Variants in DDX4 observed in about 807,000 individuals in gnomAD.
The protein encoded by DDX4 is DEAD-box helicase 4, also known as probable ATP-dependent RNA helicase DDX4.
A neutral mutation model predicts 100.0 loss-of-function variants in DDX4; 25 were observed. That is an observed-to-expected ratio of 0.25 (90% CI 0.18 to 0.35). The LOEUF (loss-of-function observed/expected upper bound fraction) is 0.35. DDX4 is among the 10% of genes least tolerant of loss of function. DDX4 has a pLI of 1.00. For missense variants in DDX4, 635 were observed against 882.4 expected, an observed-to-expected ratio of 0.72 and a Z score of 3.55; for synonymous variants, 259 against 275.7, an observed-to-expected ratio of 0.94 and a Z score of 0.60.
intron 17 of DDX4, among the ~76,000 whole-genome samples, chr5:55,794,043 C>G (rs925725309): frequency 2.0e-5 from 3 of 152,046 alleles, no homozygotes; most frequent in Non-Finnish European, 4.4e-5. Flanking sequence ...TATGGTAAAT[C>G]TTTGTGTAAA....
In DDX4 at chr5:55,746,153, CT is replaced by C; in HGVS notation, c.70-8del. The C allele has an allele frequency of 6.3e-7, 1 of 1,590,746 alleles. No homozygotes were observed. Among genetic ancestry groups the C allele is most frequent in the Non-Finnish European group, 8.5e-7 (1 of 1,172,888 alleles). ...GTAGGAAACTAGTTTTTTCTTTCTT[CT>C]TTCTCACAGGATAGGTATTCTGGAG... On this transcript the variant is annotated splice_polypyrimidine_tract_variant and intron_variant, in intron 2 of 21. Transcript: ENST00000505374.
In DDX4 at chr5:55,787,928, A is replaced by C. The variant is rs1364203442; in HGVS notation, c.1100A>C (p.Glu367Ala). The change falls in exon 15 of 22, where the codon GAG (glutamate) becomes GCG (alanine). Residue 367 changes from glutamate to alanine, a missense_variant. By Grantham distance (107) the Glu-to-Ala change is moderately radical (BLOSUM62 -1). Transcript: ENST00000505374. ...CGTTTTAAAGAGTTGCAGGAACCAG[A>C]GTGTATTATTGTAGCACCAACTCGA... ...ASRFKELQEP[E>A]CIIVAPTREL... is the part of the protein sequence containing the mutation. 9 of 1,613,826 alleles carry C rather than the reference A, an allele frequency of 5.6e-6. No homozygotes were observed. Among genetic ancestry groups the C allele is most frequent in the Non-Finnish European group, 7.6e-6 (9 of 1,179,960 alleles).
chr5:55,813,301 G>A (rs568133746), intron 18 of DDX4, among the ~76,000 whole-genome samples: 4 of 152,166 alleles, frequency 2.6e-5, no homozygotes, highest in Non-Finnish European at 4.4e-5. Flanking sequence ...GGATTATCTT[G>A]AGAGGTAGAC....
At chr5:55,770,652 G>A (rs1741199365) in intron 7 of DDX4, among the ~76,000 whole-genome samples, 1 of 152,114 alleles carries the variant, frequency 6.6e-6, no homozygotes, top group African/African-American at 2.4e-5. Flanking sequence ...TGCCCATTAG[G>A]TAGGTAGCTG....
At position 55,781,050 on chromosome 5, in the gene DDX4, C is replaced by T. The variant is rs1407200497; in HGVS notation, c.497-16C>T. On this transcript the variant is annotated splice_polypyrimidine_tract_variant and intron_variant, in intron 8 of 21. Coordinates refer to ENST00000505374, the MANE Select transcript of DDX4 (RefSeq NM_024415.3). ...TTCAAAGTAATGTAATCTAATTTTA[C>T]TTTCTGCAAATCAAGATAATGACTT... is the stretch of plus-strand genomic sequence containing the variant. The T allele has an allele frequency of 5.0e-6, 8 of 1,588,544 alleles. No individual in the cohort carries two copies. In the Admixed American group the frequency reaches 5.8e-5, roughly 11 times the overall value.
At chr5:55,764,585 C>T (rs13184180) in intron 6 of DDX4, among the ~76,000 whole-genome samples, 16,640 of 152,044 alleles carry the variant, frequency 0.11, 1,370 homozygotes, top group East Asian at 0.29. Flanking sequence ...CTGATTGAGT[C>T]GATTTGGGTG....
intron 3 of DDX4, among the ~76,000 whole-genome samples, chr5:55,749,236 C>CA (rs1209967054): frequency 6.6e-6 from 1 of 151,990 alleles, no homozygotes; most frequent in Non-Finnish European, 1.5e-5. Context: ...GCATGGGAAA[C>CA]AAAGTAAACA....
At chr5:55,750,619 A>G (rs546918215) in intron 3 of DDX4, among the ~76,000 whole-genome samples, 1 of 152,226 alleles carries the variant, frequency 6.6e-6, no homozygotes, top group African/African-American at 2.4e-5. Flanking sequence ...TTAACCTCAA[A>G]TATTTCTTCA....
chr5:55,751,214 G>A (rs921506680), intron 3 of DDX4, among the ~76,000 whole-genome samples: 1 of 152,032 alleles, frequency 6.6e-6, no homozygotes, highest in Non-Finnish European at 1.5e-5. Context: ...CAGTCTATTT[G>A]GGTATAAAGT....
chr5:55,796,551 TTCA>T (rs1212302201), intron 17 of DDX4, among the ~76,000 whole-genome samples: 4 of 152,230 alleles, frequency 2.6e-5, no homozygotes, highest in South Asian at 4.1e-4. Flanking sequence ...TCTTTCCATC[TTCA>T]TAGACTGATT....
chr5:55,757,217 G>C (rs1385871785), intron 3 of DDX4, among the ~76,000 whole-genome samples: 1 of 152,154 alleles, frequency 6.6e-6, no homozygotes, highest in African/African-American at 2.4e-5. Context: ...CATTACCTGA[G>C]CAGTATGCAC....
Position 55,801,111 on chromosome 5 carries a change from C to T in DDX4, c.1615+2540C>T, listed in dbSNP as rs186321223. The stretch of plus-strand genomic sequence containing the variant: ...AAAATACATGTATATTTAGGCCAAG[C>T]TTGTCCAACCCACAGCTCACAGGCC... On this transcript the variant is annotated intron_variant, in intron 18 of 21. Transcript: ENST00000505374. 1.2e-3 allele frequency among the ~76,000 whole-genome samples: 181 copies of T among 151,780 alleles called. 1 individual carries two copies. Among genetic ancestry groups the T allele is most frequent in the Non-Finnish European group, 1.9e-3 (130 of 67,976 alleles).
At position 55,816,783 on chromosome 5, in the gene DDX4, T is replaced by C; in HGVS notation, c.*243T>C. 1 of 529,840 alleles carries C rather than the reference T, an allele frequency of 1.9e-6. No individual in the cohort carries two copies. The highest frequency in any genetic ancestry group is 3.0e-6 in the Non-Finnish European group (1 of 337,000). The allele number at this position is 529,840 out of a possible 1,614,324, so 32.8% of individuals were successfully genotyped here. ...ATTAAAGCATTCTAAATGTCTTTCT[T>C]ATTTCTGGTATATTCTTTAGGGGGC... On this transcript the variant is annotated 3_prime_UTR_variant, in exon 22 of 22. Transcript: ENST00000505374.
intron 3 of DDX4, among the ~76,000 whole-genome samples, chr5:55,747,389 CA>C (rs891618098): frequency 1.3e-5 from 2 of 151,230 alleles, no homozygotes; most frequent in Admixed American, 1.3e-4. Flanking sequence ...AAAACAAAAA[CA>C]AAAAAAATTA....
chr5:55,745,177 G>A (rs771811515), intron 2 of DDX4, among the ~76,000 whole-genome samples: 4 of 152,064 alleles, frequency 2.6e-5, no homozygotes, highest in Non-Finnish European at 5.9e-5. Flanking sequence ...CACTGAGCCC[G>A]GCCAGTGAAT....
intron 18 of DDX4, among the ~76,000 whole-genome samples, chr5:55,801,684 A>C (rs1433039667): frequency 6.6e-6 from 1 of 152,222 alleles, no homozygotes; most frequent in East Asian, 1.9e-4. Flanking sequence ...GGGTGCAGCA[A>C]GATTGTTCAT....
intron 6 of DDX4, among the ~76,000 whole-genome samples, chr5:55,765,413 A>AAAAATATATATATATAT (rs1392558099): frequency 4.8e-5 from 4 of 83,010 alleles, no homozygotes; most frequent in African/African-American, 2.3e-4. Flanking sequence ...AAAAAAAAAA[A>AAAAATATATATATATAT]ATATATATAT....
At position 55,790,672 on chromosome 5, in the gene DDX4, T is replaced by G. The variant is rs1742509675; in HGVS notation, c.1269T>G (p.Pro423=). ...GCTGTAATATATTATGTGCTACTCC[T>G]GGAAGACTGATGGATATCATAGGCA... ...VQGCNILCAT[P]GRLMDIIGKE... Residue 423 remains proline, a synonymous_variant, in exon 16 of 22, where the codon CCT becomes CCG. Coordinates refer to ENST00000505374, the MANE Select transcript of DDX4 (RefSeq NM_024415.3). The G allele has an allele frequency of 6.2e-7, 1 of 1,611,632 alleles. No individual in the cohort carries two copies. The highest frequency in any genetic ancestry group is 8.5e-7 in the Non-Finnish European group (1 of 1,177,982).
intron 15 of DDX4, among the ~76,000 whole-genome samples, chr5:55,790,110 TAA>T (rs59569512): frequency 7.2e-6 from 1 of 139,570 alleles, no homozygotes; most frequent in Non-Finnish European, 1.5e-5. Context: ...GTATTGTAAT[TAA>T]AAAAAAAAAT....
Sources: gnomAD v4.1 joint callset for allele counts (sites outside exome capture counted in the v4.1 genomes callset) on GRCh38, gnomAD v4.1.1 for gene constraint, MANE v1.5 for transcripts, NCBI Gene and HGNC (gene_info 2026-07-23, HGNC 2026-07-21) for gene names.